Variants in KCND2 observed in about 807,000 individuals in gnomAD.
KCND2 encodes potassium voltage-gated channel subfamily D member 2.
KCND2 carries 16 observed loss-of-function variants against 54.4 expected under a neutral mutation model. The ratio of observed to expected loss-of-function variants is 0.29; its 90% confidence interval spans 0.20 to 0.45. The LOEUF is 0.45. KCND2 is among the 20% of genes least tolerant of loss of function. The pLI is 1.00. For synonymous variants in KCND2, 317 were observed against 310.7 expected, an observed-to-expected ratio of 1.02 and a Z score of -0.21; for missense variants, 486 against 824.2, an observed-to-expected ratio of 0.59 and a Z score of 5.02.
chr7:120,675,400 C>T (rs948531583), intron 1 of KCND2, among the ~76,000 whole-genome samples: 2 of 144,866 alleles, frequency 1.4e-5, no homozygotes, highest in African/African-American at 2.5e-5. Flanking sequence ...AATTTTTTCT[C>T]TTTTTTTTTT....
chr7:120,323,430 C>T (rs1259865891), intron 1 of KCND2, among the ~76,000 whole-genome samples: 1 of 151,894 alleles, frequency 6.6e-6, no homozygotes, highest in Non-Finnish European at 1.5e-5. Context: ...GTGTATCTCC[C>T]ACTGCTATCC....
intron 1 of KCND2, among the ~76,000 whole-genome samples, chr7:120,372,866 A>T (rs1042708005): frequency 2.0e-5 from 3 of 152,076 alleles, no homozygotes; most frequent in Non-Finnish European, 4.4e-5. Context: ...CCCAGAATGG[A>T]ATAGCTGCCA....
intron 1 of KCND2, among the ~76,000 whole-genome samples, chr7:120,583,784 T>TGGA (rs1554371905): frequency 7.0e-6 from 1 of 142,694 alleles, no homozygotes; most frequent in African/African-American, 2.7e-5. Context: ...ATAGGAATTG[T>TGGA]GGGGGGGGGG....
chr7:120,527,629 C>T (rs1791792295), intron 1 of KCND2, among the ~76,000 whole-genome samples: 1 of 151,914 alleles, frequency 6.6e-6, no homozygotes, highest in South Asian at 2.1e-4. Flanking sequence ...TTTCTATTAC[C>T]TCTTTGTATA....
intron 1 of KCND2, among the ~76,000 whole-genome samples, chr7:120,492,190 AAC>A (rs965578431): frequency 2.1e-4 from 32 of 152,008 alleles, no homozygotes; most frequent in African/African-American, 7.5e-4. Context: ...TAAAAAGTGA[AAC>A]ACACACACAC....
intron 1 of KCND2, among the ~76,000 whole-genome samples, chr7:120,335,456 T>C (rs201953995): frequency 1.7e-3 from 231 of 138,840 alleles, no homozygotes; most frequent in African/African-American, 3.9e-3. Flanking sequence ...TATTTATTTA[T>C]TTACTTACTT....
chr7:120,516,370 G>A (rs961990439), intron 1 of KCND2, among the ~76,000 whole-genome samples: 9 of 151,826 alleles, frequency 5.9e-5, no homozygotes, highest in African/African-American at 9.7e-5. Flanking sequence ...ACATGTATCC[G>A]TCCATATAAT....
intron 1 of KCND2, among the ~76,000 whole-genome samples, chr7:120,431,572 G>T (rs551607755): frequency 1.3e-5 from 2 of 152,108 alleles, no homozygotes; most frequent in African/African-American, 2.4e-5. Context: ...GGATCATCTC[G>T]CAATTCTTGT....
intron 1 of KCND2, among the ~76,000 whole-genome samples, chr7:120,494,688 G>A (rs1802826370): frequency 6.6e-6 from 1 of 152,158 alleles, no homozygotes; most frequent in Non-Finnish European, 1.5e-5. Context: ...AAGTATGGCT[G>A]GAGATATATT....
rs193126692 is a variant in KCND2 at position 120,584,421 on chromosome 7, T to A, written c.1116-148482T>A. On this transcript the variant is annotated intron_variant, in intron 1 of 5. Transcript: ENST00000331113. ...TTCTTAGGTGACTCATGTTGTAATT[T>A]TCCAAACTGACTGTCTTCACAGTGA... Among the ~76,000 whole-genome samples, 287 of 152,344 alleles carry A rather than the reference T, an allele frequency of 1.9e-3. 5 individuals carry two copies. The highest frequency in any genetic ancestry group is 7.1e-4 in the Non-Finnish European group (48 of 68,036).
At chr7:120,701,235 C>A (rs1450889262) in intron 1 of KCND2, among the ~76,000 whole-genome samples, 1 of 90,974 alleles carries the variant, frequency 1.1e-5, no homozygotes, top group African/African-American at 4.5e-5. Flanking sequence ...GCTGTAATGC[C>A]TAGCTAAAAA....
chr7:120,359,483 T>G (rs1195520137), intron 1 of KCND2, among the ~76,000 whole-genome samples: 9 of 152,146 alleles, frequency 5.9e-5, no homozygotes. Context: ...TTGCAATGTT[T>G]AATACATGTA....
chr7:120,421,269 A>G lies in KCND2; in HGVS notation c.1115+145522A>G, dbSNP rs544113015. Among the ~76,000 whole-genome samples, 4 of 152,310 alleles carry G rather than the reference A, an allele frequency of 2.6e-5. No homozygotes were observed. The South Asian group carries it at 8.3e-4, about 32-fold the overall frequency. ...ATTGAGCATTGTTACCACTAATGTC[A>G]TGGCAATTCTAAATGTAGATAACTA... is the stretch of plus-strand genomic sequence containing the variant. On this transcript the variant is annotated intron_variant, in intron 1 of 5. Transcript: ENST00000331113.
chr7:120,425,113 A>G (rs1801685853), intron 1 of KCND2, among the ~76,000 whole-genome samples: 1 of 152,176 alleles, frequency 6.6e-6, no homozygotes, highest in African/African-American at 2.4e-5. Context: ...GCATATTTTT[A>G]TATTCTTTTT....
chr7:120,513,296 A>G (rs1803147554), intron 1 of KCND2, among the ~76,000 whole-genome samples: 1 of 152,156 alleles, frequency 6.6e-6, no homozygotes, highest in Non-Finnish European at 1.5e-5. Context: ...TTTAACCTTA[A>G]AAGACTTTGA....
chr7:120,411,836 C>T (rs544570785), intron 1 of KCND2, among the ~76,000 whole-genome samples: 2 of 151,894 alleles, frequency 1.3e-5, no homozygotes, highest in Admixed American at 6.6e-5. Flanking sequence ...TAATCAGTGC[C>T]TAGGCCTTGT....
intron 1 of KCND2, among the ~76,000 whole-genome samples, chr7:120,587,739 A>G (rs1792618443): frequency 6.6e-6 from 1 of 152,214 alleles, no homozygotes; most frequent in Non-Finnish European, 1.5e-5. Flanking sequence ...ATAAAGCATT[A>G]CACTGCCTTT....
At chr7:120,364,489 G>A (rs1238705483) in intron 1 of KCND2, among the ~76,000 whole-genome samples, 1 of 152,094 alleles carries the variant, frequency 6.6e-6, no homozygotes, top group Non-Finnish European at 1.5e-5. Context: ...ATATCCAGTG[G>A]TACTTGGTAA....
At chr7:120,692,991 T>A (rs890698621) in intron 1 of KCND2, among the ~76,000 whole-genome samples, 4 of 152,176 alleles carry the variant, frequency 2.6e-5, no homozygotes, top group African/African-American at 9.7e-5. Flanking sequence ...AGAGTAAACC[T>A]ACCAAATCCT....
Sources: allele counts gnomAD v4.1 joint callset (sites outside exome capture counted in the v4.1 genomes callset), GRCh38; gene constraint gnomAD v4.1.1; transcripts MANE v1.5; gene names NCBI Gene and HGNC (gene_info 2026-07-23, HGNC 2026-07-21).